Variants in SPAG17 observed in about 807,000 individuals in gnomAD.
SPAG17 encodes sperm associated antigen 17, also known as sperm-associated antigen 17.
A neutral mutation model predicts 273.6 loss-of-function variants in SPAG17; 169 were observed. That is an observed-to-expected ratio of 0.62 (90% CI 0.55 to 0.70). The LOEUF (loss-of-function observed/expected upper bound fraction) is 0.70. SPAG17 is among the 30% of genes least tolerant of loss of function. The pLI, the probability that SPAG17 is intolerant of heterozygous loss-of-function variation, is 0.00. For missense variants in SPAG17, 2,557 were observed against 2,627.8 expected (o/e 0.97, Z 0.59); for synonymous variants, 825 against 873.2 (o/e 0.94, Z 0.97).
chr1:117,984,590 C>T (rs1050097035), intron 41 of SPAG17, 93 bp downstream of exon 41: 2 of 787,422 alleles, frequency 2.5e-6, no homozygotes, highest in Non-Finnish European at 4.1e-6. Flanking sequence ...AAGAATTAAA[C>T]AGCATCAGGA....
intron 35 of SPAG17, among the ~76,000 whole-genome samples, 176 bp downstream of exon 35, chr1:117,994,227 ATGT>A (rs1657413031): frequency 6.6e-6 from 1 of 152,196 alleles, no homozygotes; most frequent in South Asian, 2.1e-4. Context: ...TTCCTCTGAA[ATGT>A]TGTTGCCACA....
Position 118,115,446 on chromosome 1 carries a change from A to G in SPAG17, c.316-5T>C, listed in dbSNP as rs527720666. ...TGCTTTTGCTGCCGTTAACACCTAT[A>G]CAGAAACACAATTATTAGAAAAAGT... On this transcript the variant is annotated splice_polypyrimidine_tract_variant and splice_region_variant and intron_variant, in intron 3 of 48. Transcript: ENST00000336338. 2 of 1,604,560 alleles carry G rather than the reference A, an allele frequency of 1.2e-6. No homozygotes were observed. The highest frequency in any genetic ancestry group is 1.7e-5 in the Admixed American group (1 of 57,226).
intron 34 of SPAG17, among the ~76,000 whole-genome samples, 193 bp downstream of exon 34, chr1:117,996,177 T>A (rs201286324): frequency 6.6e-6 from 1 of 152,022 alleles, no homozygotes; most frequent in African/African-American, 2.4e-5. Flanking sequence ...GATATACACA[T>A]AAATTCAAGT....
chr1:117,959,669 C>G, intron 48 of SPAG17: 1 of 382,814 alleles, frequency 2.6e-6, no homozygotes, highest in East Asian at 4.2e-5. Context: ...GTTTAAAAAT[C>G]TTTCTGTGCT....
At chr1:117,977,032 G>A (rs1227825563) in intron 43 of SPAG17, among the ~76,000 whole-genome samples, 4 of 151,996 alleles carry the variant, frequency 2.6e-5, no homozygotes, top group African/African-American at 7.3e-5. Context: ...TATTCAGGCT[G>A]GGCACGGTGG....
chr1:118,174,312 G>T (rs1260165428), intron 1 of SPAG17, among the ~76,000 whole-genome samples: 1 of 151,890 alleles, frequency 6.6e-6, no homozygotes, highest in Non-Finnish European at 1.5e-5. Flanking sequence ...TTCATGAGCT[G>T]AAAAATACAA....
At chr1:118,091,903 T>A in intron 9 of SPAG17, 27 bp downstream of exon 9, 1 of 1,611,430 alleles carries the variant, frequency 6.2e-7, no homozygotes, top group South Asian at 1.1e-5. Context: ...ATGGTGTTGA[T>A]CCTCCAGCAG....
At chr1:118,021,319 T>C (rs1441644678) in intron 28 of SPAG17, among the ~76,000 whole-genome samples, 13 of 152,154 alleles carry the variant, frequency 8.5e-5, no homozygotes, top group Admixed American at 7.9e-4. Flanking sequence ...ACATAAGGTA[T>C]GATTCTAATC....
chr1:117,972,803 G>A (rs1654714734), intron 44 of SPAG17, among the ~76,000 whole-genome samples: 2 of 152,044 alleles, frequency 1.3e-5, no homozygotes, highest in African/African-American at 2.4e-5. Flanking sequence ...ATCAAAACTG[G>A]TGGACTCCAG....
chr1:118,055,828 T>C lies in SPAG17; in HGVS notation c.2627A>G (p.Lys876Arg). 3 of 1,613,214 alleles carry C rather than the reference T, an allele frequency of 1.9e-6. No individual in the cohort carries two copies. The highest frequency in any genetic ancestry group is 2.5e-6 in the Non-Finnish European group (3 of 1,179,612). Residue 876 changes from lysine to arginine, a missense_variant, in exon 19 of 49, where the codon AAA becomes AGA. By Grantham distance (26) the Lys-to-Arg change is conservative. Coordinates refer to ENST00000336338, the MANE Select transcript of SPAG17 (RefSeq NM_206996.4). ...AIYQESKMNEKIIRTRAELEL... is the reference protein window; with the variant it reads ...AIYQESKMNERIIRTRAELEL... ...CAGCTCAGCTCTGGTCCTGATGATT[T>C]TCTCATTCATTTTAGATTCCTGATA...
At chr1:118,148,680 C>CA (rs1659203081) in intron 3 of SPAG17, among the ~76,000 whole-genome samples, 1 of 152,226 alleles carries the variant, frequency 6.6e-6, no homozygotes, top group African/African-American at 2.4e-5. Context: ...TAGGCAGCTT[C>CA]ACCTCTCACT....
chr1:118,165,978 G>C (rs567903883), intron 1 of SPAG17, among the ~76,000 whole-genome samples: 315 of 152,260 alleles, frequency 2.1e-3, no homozygotes, highest in African/African-American at 7.3e-3. Flanking sequence ...CTAAATATTT[G>C]ATGTGAAGAC....
intron 17 of SPAG17, among the ~76,000 whole-genome samples, chr1:118,071,445 G>A (rs943546904): frequency 6.6e-6 from 1 of 151,878 alleles, no homozygotes; most frequent in African/African-American, 2.4e-5. Flanking sequence ...AGGTCAGGAG[G>A]TCAAGACCAG....
chr1:117,965,134 TAC>T (rs1653655919), intron 47 of SPAG17: 1 of 152,222 alleles, frequency 6.6e-6, no homozygotes, highest in Admixed American at 6.5e-5. Flanking sequence ...GCTTTCTTAA[TAC>T]AGTCATTCTT....
At chr1:118,087,145 G>A in intron 10 of SPAG17, 137 bp from the exon 11 acceptor site, 2 of 866,984 alleles carry the variant, frequency 2.3e-6, no homozygotes, top group South Asian at 3.1e-5. Context: ...GACACAAAAT[G>A]GCAGGAAACT....
intron 44 of SPAG17, 112 bp from the exon 45 acceptor site, chr1:117,972,159 G>A: frequency 1.1e-6 from 1 of 914,212 alleles, no homozygotes; most frequent in Non-Finnish European, 1.6e-6. Flanking sequence ...TGGAGGAAAT[G>A]AATGTTTACA....
chr1:118,097,947 T>C (rs555887786), intron 6 of SPAG17, 96 bp from the exon 7 acceptor site: 1 of 670,988 alleles, frequency 1.5e-6, no homozygotes, highest in African/African-American at 1.9e-5. Context: ...GCAAGATATC[T>C]GTACAGTACC....
intron 5 of SPAG17, 92 bp downstream of exon 5, chr1:118,101,648 G>T: frequency 8.0e-7 from 1 of 1,253,118 alleles, no homozygotes; most frequent in Non-Finnish European, 1.1e-6. Flanking sequence ...GAAACTATGC[G>T]CTCTATGTGA....
rs147968789 is a variant in SPAG17 at position 118,142,418 on chromosome 1, T to C, written c.315+8125A>G. On this transcript the variant is annotated intron_variant, in intron 3 of 48. Transcript: ENST00000336338. ...TTGGTTGCACAACAAAGTGAATATA[T>C]TTAACACTACTGAATTATACACTTA... Among the ~76,000 whole-genome samples, 573 of 152,328 alleles carry C rather than the reference T, an allele frequency of 3.8e-3. 3 individuals are homozygous for C. Among genetic ancestry groups the C allele is most frequent in the Non-Finnish European group, 6.3e-3 (431 of 68,034 alleles).
Sources: allele counts gnomAD v4.1 joint callset (sites outside exome capture counted in the v4.1 genomes callset), GRCh38; gene constraint gnomAD v4.1.1; transcripts MANE v1.5; gene names NCBI Gene and HGNC (gene_info 2026-07-23, HGNC 2026-07-21).